The following ESRRG variants were observed in gnomAD, a reference collection of about 807,000 sequenced individuals.
ESRRG encodes the protein estrogen-related receptor gamma.
ESRRG carries 13 observed loss-of-function variants against 44.0 expected under a neutral mutation model. The ratio of observed to expected loss-of-function variants is 0.30; its 90% CI spans 0.19 to 0.47. ESRRG has a LOEUF of 0.47. Ranked by LOEUF, ESRRG falls within the 20% of genes least tolerant of loss-of-function variation. The pLI is 1.00. For synonymous variants in ESRRG, 215 were observed against 214.6 expected, an observed-to-expected ratio of 1.00 and a Z score of -0.02; for missense variants, 395 against 580.6, an observed-to-expected ratio of 0.68 and a Z score of 3.29.
intron 3 of ESRRG, among the ~76,000 whole-genome samples, chr1:216,599,161 T>C (rs1345051482): frequency 1.3e-5 from 2 of 152,104 alleles, no homozygotes; most frequent in African/African-American, 4.8e-5. Context: ...CAATAAATTT[T>C]TTCTGATTTA....
chr1:216,928,389 A>G (rs2062864285), intron 2 of ESRRG, among the ~76,000 whole-genome samples: 1 of 152,176 alleles, frequency 6.6e-6, no homozygotes. Context: ...AAGGTTAAAA[A>G]GAGGAGCATC....
chr1:217,093,386 C>CA (rs2092378021), upstream of ESRRG, among the ~76,000 whole-genome samples: 6 of 150,376 alleles, frequency 4.0e-5, no homozygotes, highest in Non-Finnish European at 5.9e-5. Context: ...TTGAAGGATG[C>CA]GAAAAAAATG....
At chr1:216,857,916 G>T (rs557481481) in intron 2 of ESRRG, among the ~76,000 whole-genome samples, 1 of 152,088 alleles carries the variant, frequency 6.6e-6, no homozygotes, top group African/African-American at 2.4e-5. Context: ...TTTCCCCCAT[G>T]GTATAAGGAG....
intron 1 of ESRRG, among the ~76,000 whole-genome samples, chr1:217,020,824 A>G (rs2080185081): frequency 6.6e-6 from 1 of 152,248 alleles, no homozygotes; most frequent in Admixed American, 6.5e-5. Flanking sequence ...CTGAAAACAA[A>G]TGTAAATAAA....
chr1:216,515,055 A>G (rs891909871), intron 6 of ESRRG, among the ~76,000 whole-genome samples: 1 of 152,026 alleles, frequency 6.6e-6, no homozygotes, highest in African/African-American at 2.4e-5. Flanking sequence ...CTTAAAAGTA[A>G]TCAATCTAAA....
chr1:216,684,840 G>A (rs1353986385), intron 1 of ESRRG, among the ~76,000 whole-genome samples: 1 of 152,170 alleles, frequency 6.6e-6, no homozygotes, highest in Admixed American at 6.5e-5. Flanking sequence ...ATAAACTTCT[G>A]CCATGTAATC....
At chr1:216,688,504 C>T (rs2078447833) in intron 1 of ESRRG, among the ~76,000 whole-genome samples, 1 of 152,066 alleles carries the variant, frequency 6.6e-6, no homozygotes. Flanking sequence ...ACAAACCATA[C>T]AAAAACAAAA....
intron 5 of ESRRG, among the ~76,000 whole-genome samples, chr1:216,555,402 T>A (rs910779539): frequency 1.3e-5 from 2 of 152,202 alleles, no homozygotes; most frequent in African/African-American, 4.8e-5. Context: ...AATAATTAGG[T>A]TATTTTCCAG....
chr1:216,842,169 A>T (rs1453106612), intron 2 of ESRRG, among the ~76,000 whole-genome samples: 1 of 152,216 alleles, frequency 6.6e-6, no homozygotes, highest in East Asian at 1.9e-4. Flanking sequence ...TCTTACTCTT[A>T]GGAAATCTTT....
chr1:216,525,488 G>A (rs1035044462), intron 5 of ESRRG, among the ~76,000 whole-genome samples: 1 of 147,120 alleles, frequency 6.8e-6, no homozygotes, highest in African/African-American at 2.7e-5. Context: ...AATGTGGGGG[G>A]GCATGGAGGC....
At chr1:216,742,587 A>G (rs2090891265) in intron 2 of ESRRG, among the ~76,000 whole-genome samples, 1 of 151,956 alleles carries the variant, frequency 6.6e-6, no homozygotes, top group Non-Finnish European at 1.5e-5. Context: ...CGACCCTTTC[A>G]TACAGTACCT....
rs532150461 is a variant in ESRRG, at chr1:216,505,330, A to G, written c.*1609T>C. On this transcript the variant is annotated 3_prime_UTR_variant, in exon 7 of 7. Coordinates refer to ENST00000408911, the MANE Select transcript of ESRRG (RefSeq NM_001438.4). ...TCATGCTGTGACAATACTGGTTGAA[A>G]AGCACATATATTGGCTTAGCTCTTG... 1.3e-5 allele frequency: 2 copies of G among 152,752 alleles called. No individual in the cohort carries two copies. The highest frequency in any genetic ancestry group is 4.1e-4 in the South Asian group (2 of 4,832). 9.5% of individuals were successfully genotyped at this position (152,752 alleles called of 1,614,324 possible). A position where few individuals can be genotyped will look rare whatever the true frequency, so the allele number is the denominator to read the frequency against.
intron 1 of ESRRG, among the ~76,000 whole-genome samples, chr1:217,085,480 C>CTTTTTTTTTTTTTTTTTT (rs2092021463): frequency 1.5e-5 from 1 of 66,344 alleles, no homozygotes; most frequent in Non-Finnish European, 2.9e-5. Flanking sequence ...CTTTTCTTTT[C>CTTTTTTTTTTTTTTTTTT]ATTTTTTTTT....
chr1:216,872,428 C>T (rs61818562), intron 2 of ESRRG, among the ~76,000 whole-genome samples: 4,084 of 152,214 alleles, frequency 0.027, 67 homozygotes, highest in Middle Eastern at 0.058. Flanking sequence ...TCCTACGATG[C>T]AAATGTTAAA....
intron 1 of ESRRG, among the ~76,000 whole-genome samples, chr1:216,982,899 T>C (rs906104854): frequency 1.3e-5 from 2 of 152,198 alleles, no homozygotes; most frequent in East Asian, 3.9e-4. Flanking sequence ...TCAATAATTT[T>C]ATCTTCACAC....
At chr1:216,848,814 C>T (rs1242930855) in intron 2 of ESRRG, among the ~76,000 whole-genome samples, 1 of 151,838 alleles carries the variant, frequency 6.6e-6, no homozygotes, top group African/African-American at 2.4e-5. Flanking sequence ...GCACTTTTTT[C>T]ACTCTTTGAA....
chr1:216,555,566 C>T (rs1306089521), intron 5 of ESRRG, among the ~76,000 whole-genome samples: 3 of 149,618 alleles, frequency 2.0e-5, no homozygotes, highest in Non-Finnish European at 4.4e-5. Flanking sequence ...ATAGTTAAAA[C>T]AATTTTAAGA....
chr1:216,692,691 A>G (rs775370704), intron 1 of ESRRG, among the ~76,000 whole-genome samples: 1 of 152,106 alleles, frequency 6.6e-6, no homozygotes, highest in Non-Finnish European at 1.5e-5. Flanking sequence ...ACCCAGGGCA[A>G]TTTCCAGCCC....
At chr1:216,859,765 C>T (rs914533082) in intron 2 of ESRRG, among the ~76,000 whole-genome samples, 4 of 152,152 alleles carry the variant, frequency 2.6e-5, no homozygotes, top group African/African-American at 9.7e-5. Context: ...GATGAAACTA[C>T]TTCCAAATAA....
Sources: gnomAD v4.1 joint callset for allele counts (sites outside exome capture counted in the v4.1 genomes callset) on GRCh38, gnomAD v4.1.1 for gene constraint, MANE v1.5 for transcripts, NCBI Gene and HGNC (gene_info 2026-07-23, HGNC 2026-07-21) for gene names.